The following AMOTL1 variants were observed in gnomAD, a reference collection of about 807,000 sequenced individuals.
AMOTL1 encodes the protein angiomotin like 1.
A neutral mutation model predicts 102.9 loss-of-function variants in AMOTL1; 45 were observed. That is an observed-to-expected ratio of 0.44 (90% CI 0.34 to 0.56). The LOEUF is 0.56. Ranked by LOEUF, AMOTL1 falls within the 20% of genes least tolerant of loss-of-function variation. AMOTL1 has a pLI of 0.01. For missense variants in AMOTL1, 1,114 were observed against 1,225.6 expected, an observed-to-expected ratio of 0.91 and a Z score of 1.36; for synonymous variants, 481 against 484.7, an observed-to-expected ratio of 0.99 and a Z score of 0.10.
intron 1 of AMOTL1, among the ~76,000 whole-genome samples, chr11:94,781,790 G>A (rs983774283): frequency 8.6e-5 from 13 of 151,664 alleles, no homozygotes; most frequent in African/African-American, 2.9e-4. Context: ...AGCCGAGATC[G>A]TGCCACTGCA....
intron 1 of AMOTL1, among the ~76,000 whole-genome samples, chr11:94,711,489 G>A (rs114759876): frequency 0.011 from 1,748 of 152,112 alleles, 35 homozygotes; most frequent in African/African-American, 0.04. Flanking sequence ...GTTTGTGTGT[G>A]TGATTGTATA....
rs1339177939 is a variant in AMOTL1 at position 94,799,962 on chromosome 11, G to A, written c.772G>A (p.Val258Ile). The change falls in exon 3 of 13, where the codon GTC becomes ATC. Residue 258 changes from valine to isoleucine, a missense_variant. Transcript: ENST00000433060. The surrounding 1 kb of genome is among the most constrained non-coding windows in gnomAD (Gnocchi z 4.5). ...EALKELKQGH[V>I]RSLSERIMQL... is the part of the protein sequence containing the mutation. Reference sequence around the variant, plus strand: ...GCTGAAGGAACTGAAGCAGGGCCACGTCCGCTCGCTCAGCGAGAGAATCAT... The same window carrying A: ...GCTGAAGGAACTGAAGCAGGGCCACATCCGCTCGCTCAGCGAGAGAATCAT... 1.9e-6 allele frequency: 3 copies of A among 1,614,016 alleles called. No individual in the cohort carries two copies. Among genetic ancestry groups the A allele is most frequent in the Admixed American group, 3.3e-5 (2 of 60,022 alleles).
In AMOTL1 at chr11:94,807,455, A is replaced by G. The variant is rs923781578; in HGVS notation, c.1121+7144A>G. ...TTTATCCATGTTTTCTAATTTTTCT[A>G]TAATGTACATGTATTATTTAGATAA... On this transcript the variant is annotated intron_variant, in intron 3 of 12. Transcript: ENST00000433060. Among the ~76,000 whole-genome samples, 4 of 152,198 alleles carry G rather than the reference A, an allele frequency of 2.6e-5. No homozygotes were observed. In the East Asian group the frequency reaches 7.7e-4, roughly 29 times the overall value.
chr11:94,845,716 G>A (rs1355413249), intron 6 of AMOTL1, among the ~76,000 whole-genome samples: 3 of 152,172 alleles, frequency 2.0e-5, no homozygotes, highest in Admixed American at 2.0e-4. Context: ...GGTCGGCCTG[G>A]CCACACAGCC....
Position 94,791,177 on chromosome 11 carries a change from C to A in AMOTL1, c.50-3834C>A, listed in dbSNP as rs12223263. On this transcript the variant is annotated intron_variant, in intron 1 of 12. Coordinates refer to ENST00000433060, the MANE Select transcript of AMOTL1 (RefSeq NM_130847.3). ...AAGGAGTTTTCATGTTGACAAATGA[C>A]GTGCAGATTTTGTTAAGAAAAAGGA... Among the ~76,000 whole-genome samples the A allele has an allele frequency of 6.7e-3, 1,013 of 152,258 alleles. 26 individuals are homozygous for A. The highest frequency in any genetic ancestry group is 0.021 in the East Asian group (109 of 5,184).
At chr11:94,817,677 A>G (rs1345623933) in intron 3 of AMOTL1, among the ~76,000 whole-genome samples, 1 of 152,096 alleles carries the variant, frequency 6.6e-6, no homozygotes, top group Non-Finnish European at 1.5e-5. Context: ...TTTCACTTTT[A>G]TTCTTTTCAA....
chr11:94,865,709 G>A (rs1410478949), intron 10 of AMOTL1, among the ~76,000 whole-genome samples: 1 of 152,098 alleles, frequency 6.6e-6, no homozygotes, highest in Non-Finnish European at 1.5e-5. Flanking sequence ...CATTCTAACT[G>A]TACCTCGCTG....
Position 94,869,418 on chromosome 11 carries a change from T to A in AMOTL1, c.2709T>A (p.Pro903=). The change falls in exon 12 of 13, where the codon CCT becomes CCA. Residue 903 remains proline (P), a synonymous_variant. Coordinates refer to ENST00000433060, the MANE Select transcript of AMOTL1 (RefSeq NM_130847.3). The part of the protein sequence containing the change: ...LPSRGRLSTT[P]AHSPVLKHPA... ...GCCGCGGCCGGCTGAGCACGACCCC[T>A]GCTCACAGCCCCGTCCTGAAACACC... 1.2e-6 allele frequency: 2 copies of A among 1,605,104 alleles called. No homozygotes were observed. The highest frequency in any genetic ancestry group is 1.7e-6 in the Non-Finnish European group (2 of 1,176,208).
chr11:94,773,206 G>A (rs1311389451), intron 1 of AMOTL1, among the ~76,000 whole-genome samples: 4 of 152,238 alleles, frequency 2.6e-5, no homozygotes, highest in African/African-American at 9.6e-5. Flanking sequence ...CAGATCAAAA[G>A]TTTTTTATTT....
intron 1 of AMOTL1, among the ~76,000 whole-genome samples, chr11:94,783,921 G>GT: frequency 6.6e-6 from 1 of 150,880 alleles, no homozygotes; most frequent in Non-Finnish European, 1.5e-5. Flanking sequence ...ACATGTATCT[G>GT]TTTTGTTTTT....
At chr11:94,842,574 T>G (rs1026927978) in intron 6 of AMOTL1, among the ~76,000 whole-genome samples, 2 of 152,246 alleles carry the variant, frequency 1.3e-5, no homozygotes, top group African/African-American at 2.4e-5. Flanking sequence ...CATTGCACTT[T>G]AGGCTTTACC....
At chr11:94,724,770 C>T (rs1364022243) in intron 1 of AMOTL1, among the ~76,000 whole-genome samples, 1 of 152,054 alleles carries the variant, frequency 6.6e-6, no homozygotes, top group Non-Finnish European at 1.5e-5. Flanking sequence ...TGAATGAATT[C>T]ATTTTTGTAT....
intron 1 of AMOTL1, among the ~76,000 whole-genome samples, chr11:94,728,136 T>A (rs1302378453): frequency 1.3e-5 from 2 of 152,214 alleles, no homozygotes; most frequent in Non-Finnish European, 2.9e-5. Flanking sequence ...AATTACTCAA[T>A]CACTTTCATT....
chr11:94,754,924 G>A (rs1000320222), intron 3 of AMOTL1, among the ~76,000 whole-genome samples: 5 of 152,160 alleles, frequency 3.3e-5, no homozygotes, highest in African/African-American at 1.2e-4. Context: ...TCCAACTGGT[G>A]TTTCATCTGG....
intron 6 of AMOTL1, among the ~76,000 whole-genome samples, chr11:94,836,756 CCTTCT>C (rs1293628463): frequency 7.0e-6 from 1 of 143,242 alleles, no homozygotes; most frequent in Non-Finnish European, 1.5e-5. Flanking sequence ...TTTCTTCCTT[CCTTCT>C]TTTTTTTTTT....
chr11:94,842,447 C>G (rs935267200), intron 6 of AMOTL1, among the ~76,000 whole-genome samples: 1 of 152,130 alleles, frequency 6.6e-6, no homozygotes, highest in African/African-American at 2.4e-5. Context: ...AAGCCTATAG[C>G]CTTTAGGGTG....
chr11:94,790,866 T>G (rs1039127720), intron 1 of AMOTL1, among the ~76,000 whole-genome samples: 1 of 152,220 alleles, frequency 6.6e-6, no homozygotes, highest in African/African-American at 2.4e-5. Context: ...GAATTAGTAG[T>G]TCCAGTGGCA....
intron 4 of AMOTL1, among the ~76,000 whole-genome samples, chr11:94,822,332 C>T (rs1453637101): frequency 6.6e-6 from 1 of 152,186 alleles, no homozygotes; most frequent in East Asian, 1.9e-4. Flanking sequence ...CCCAGCTACT[C>T]AGGAGGATCA....
In AMOTL1 at chr11:94,786,927, C is replaced by T. The variant is rs966697366; in HGVS notation, c.50-8084C>T. Among the ~76,000 whole-genome samples, 6 of 151,940 alleles carry T rather than the reference C, an allele frequency of 3.9e-5. No individual in the cohort carries two copies. In the South Asian group the frequency reaches 6.2e-4, roughly 16 times the overall value. On this transcript the variant is annotated intron_variant, in intron 1 of 12. Transcript: ENST00000433060. ...CTTCGGTACTAGGAACATATGCAGA[C>T]GATTCATTGGTAAAATAAATATGTG...
Sources: allele counts gnomAD v4.1 joint callset (sites outside exome capture counted in the v4.1 genomes callset), GRCh38; gene constraint gnomAD v4.1.1; non-coding constraint Gnocchi (gnomAD v3.1); transcripts MANE v1.5; gene names NCBI Gene and HGNC (gene_info 2026-07-23, HGNC 2026-07-21).